The following NSF variants were observed in gnomAD, a reference collection of about 807,000 sequenced individuals.
NSF encodes the protein N-ethylmaleimide sensitive factor, vesicle fusing ATPase.
A neutral mutation model predicts 50.3 loss-of-function variants in NSF; 14 were observed. The ratio of observed to expected loss-of-function variants is 0.28; its 90% CI spans 0.18 to 0.44. The LOEUF (loss-of-function observed/expected upper bound fraction) is 0.44. NSF is among the 20% of genes least tolerant of loss of function. The probability of loss-of-function intolerance (pLI) is 1.00; values close to 1 mark genes in which losing one functional copy is unlikely to be tolerated. For missense variants in NSF, 218 were observed against 504.3 expected, an observed-to-expected ratio of 0.43 and a Z score of 5.44; for synonymous variants, 109 against 175.7, an observed-to-expected ratio of 0.62 and a Z score of 3.00.
intron 13 of NSF, 92 bp from the exon 14 acceptor site, chr17:46,710,871 A>T (rs1051655397): frequency 3.6e-6 from 4 of 1,104,350 alleles, no homozygotes; most frequent in Non-Finnish European, 3.8e-6. Flanking sequence ...AGTGATCAAT[A>T]CCTTTAGCAT....
intron 14 of NSF, among the ~76,000 whole-genome samples, chr17:46,712,371 A>G (rs149919462): frequency 9.1e-4 from 138 of 152,204 alleles, no homozygotes; most frequent in African/African-American, 3.1e-3. Context: ...TGTTGTCTCT[A>G]TTTTGTAGGT....
At position 46,728,709 on chromosome 17, in the gene NSF, T is replaced by C. The variant is rs1598721643; in HGVS notation, c.1829-146T>C. On this transcript the variant is annotated intron_variant, in intron 16 of 20. Coordinates refer to ENST00000398238, the MANE Select transcript of NSF (RefSeq NM_006178.4). ...CTGTTATTTAAGACTGTTTACTCTT[T>C]AAATTTTTTTTTTCTTATTCTATAC... 27 of 458,884 alleles carry C rather than the reference T, an allele frequency of 5.9e-5. No individual in the cohort carries two copies. The East Asian group carries it at 8.9e-4, about 15-fold the overall frequency. 28.4% of individuals were successfully genotyped at this position (458,884 alleles called of 1,614,324 possible).
chr17:46,713,900 G>T lies in NSF; in HGVS notation c.1675G>T (p.Glu559Ter). The change falls in exon 15 of 21, where the codon GAA (glutamate) becomes TAA (stop). Residue 559 changes from glutamate to a stop codon, truncating the protein, a stop_gained. Coordinates refer to ENST00000398238, the MANE Select transcript of NSF (RefSeq NM_006178.4). LOFTEE classifies it high-confidence loss of function. ...KTALAAKIAE[E>*]SNFPFIKICS... ...TGCTTTAGCTGCAAAAATTGCAGAG[G>T]AATCCAACTTCCCGTTCATCAAGAT... 1 of 1,612,862 alleles carries T rather than the reference G, an allele frequency of 6.2e-7. No homozygotes were observed.
At chr17:46,636,984 A>G (rs2058194778) in intron 4 of NSF, among the ~76,000 whole-genome samples, 1 of 152,116 alleles carries the variant, frequency 6.6e-6, no homozygotes, top group African/African-American at 2.4e-5. Context: ...CCTCCCAAGA[A>G]GCTGGGACTA....
chr17:46,723,375 T>C (rs1568046719), intron 15 of NSF, among the ~76,000 whole-genome samples: 1 of 152,210 alleles, frequency 6.6e-6, no homozygotes, highest in Non-Finnish European at 1.5e-5. Flanking sequence ...CCTGAGTTTA[T>C]AAGATACCAC....
rs181035987 is a variant in NSF at position 46,755,970 on chromosome 17, A to G, written c.*147A>G. The G allele has an allele frequency of 8.3e-6, 6 of 725,764 alleles. No homozygotes were observed. Among genetic ancestry groups the G allele is most frequent in the Non-Finnish European group, 1.3e-5 (6 of 447,078 alleles). The allele number at this position is 725,764 out of a possible 1,614,324, so 45.0% of individuals were successfully genotyped here. On this transcript the variant is annotated 3_prime_UTR_variant, in exon 21 of 21. Coordinates refer to ENST00000398238, the MANE Select transcript of NSF (RefSeq NM_006178.4). ...GCTCGCTCTGCATGATTAGTGCAAT[A>G]AAACTCCCTTCCTTATGCATACTGA...
At chr17:46,714,759 C>A (rs1477760139) in intron 15 of NSF, among the ~76,000 whole-genome samples, 2 of 152,110 alleles carry the variant, frequency 1.3e-5, no homozygotes, top group South Asian at 4.1e-4. Flanking sequence ...TTTTTTGTAT[C>A]CAGCTGAAGT....
rs2059241433 is a variant in NSF, at chr17:46,757,076, G to C, written c.*1253G>C. The C allele has an allele frequency of 6.6e-6, 1 of 152,210 alleles. No homozygotes were observed. Among genetic ancestry groups the C allele is most frequent in the Non-Finnish European group, 1.5e-5 (1 of 68,036 alleles). The allele number at this position is 152,210 out of a possible 1,614,324, so 9.4% of individuals were successfully genotyped here. A position where few individuals can be genotyped will look rare whatever the true frequency, so the allele number is the denominator to read the frequency against. ...GCTTACCTCACACGCCACCCATGAG[G>C]CTTGTGGCCACAGTGGCACTTGGGT... On this transcript the variant is annotated 3_prime_UTR_variant, in exon 21 of 21. Transcript: ENST00000398238.
intron 17 of NSF, among the ~76,000 whole-genome samples, chr17:46,737,685 G>A (rs763334301): frequency 1.3e-5 from 2 of 151,968 alleles, no homozygotes; most frequent in African/African-American, 4.8e-5. Flanking sequence ...GATGCATAGA[G>A]TTAGGTTTTA....
chr17:46,709,373 A>C (rs960574227), intron 13 of NSF, among the ~76,000 whole-genome samples: 1 of 152,140 alleles, frequency 6.6e-6, no homozygotes, highest in Non-Finnish European at 1.5e-5. Context: ...ATATGTAAGG[A>C]AGATATACAC....
At chr17:46,679,641 A>G (rs1317734221) in intron 9 of NSF, among the ~76,000 whole-genome samples, 1 of 143,386 alleles carries the variant, frequency 7.0e-6, no homozygotes, top group Non-Finnish European at 1.5e-5. Flanking sequence ...GCAGTGAGCC[A>G]AGATCGTGCC....
chr17:46,738,766 G>T (rs12325819), intron 17 of NSF, among the ~76,000 whole-genome samples: 23,160 of 152,208 alleles, frequency 0.15, 3,475 homozygotes, highest in East Asian at 0.6. Context: ...ATAAATTAAG[G>T]CAGGCAACCA....
chr17:46,621,206 G>C (rs999186540), intron 1 of NSF, among the ~76,000 whole-genome samples: 4 of 149,292 alleles, frequency 2.7e-5, no homozygotes, highest in Non-Finnish European at 5.9e-5. Context: ...ACCTTGTTCT[G>C]ACTTAATTGC....
At chr17:46,707,761 G>C (rs576134837) in intron 13 of NSF, among the ~76,000 whole-genome samples, 1 of 152,238 alleles carries the variant, frequency 6.6e-6, no homozygotes, top group South Asian at 2.1e-4. Flanking sequence ...GCCAGGCGTG[G>C]TGGCTCTTGC....
At chr17:46,625,980 T>A (rs2058094979) in intron 2 of NSF, among the ~76,000 whole-genome samples, 1 of 147,878 alleles carries the variant, frequency 6.8e-6, no homozygotes. Context: ...GTATAGGAGA[T>A]TATCATGAGA....
At chr17:46,747,375 G>C (rs1472127446) in intron 17 of NSF, among the ~76,000 whole-genome samples, 1 of 152,088 alleles carries the variant, frequency 6.6e-6, no homozygotes, top group Non-Finnish European at 1.5e-5. Context: ...CAAACTCCTT[G>C]GCTCAAGCGA....
intron 17 of NSF, among the ~76,000 whole-genome samples, chr17:46,742,354 A>G (rs2059082517): frequency 6.6e-6 from 1 of 152,200 alleles, no homozygotes; most frequent in Non-Finnish European, 1.5e-5. Context: ...GTGATCTGCT[A>G]CCCTTGAAAG....
chr17:46,748,258 C>T (rs540070031), intron 17 of NSF, among the ~76,000 whole-genome samples: 1 of 151,974 alleles, frequency 6.6e-6, no homozygotes, highest in Non-Finnish European at 1.5e-5. Context: ...ATTACAGGCA[C>T]GTGTCACCAT....
At chr17:46,722,267 G>T in intron 15 of NSF, 1 of 1,006,702 alleles carries the variant, frequency 9.9e-7, no homozygotes, top group African/African-American at 1.6e-5. Context: ...AATTTTGGGG[G>T]GAGTCTGTAA....
Sources: gnomAD v4.1 joint callset for allele counts (sites outside exome capture counted in the v4.1 genomes callset) on GRCh38, gnomAD v4.1.1 for gene constraint, MANE v1.5 for transcripts, NCBI Gene and HGNC (gene_info 2026-07-23, HGNC 2026-07-21) for gene names.